STK32A: variants seen among roughly 807,000 people sequenced by gnomAD.
STK32A encodes the protein serine/threonine-protein kinase 32A.
A neutral mutation model predicts 53.2 loss-of-function variants in STK32A; 41 were observed. The ratio of observed to expected loss-of-function variants is 0.77; its 90% CI spans 0.60 to 1.00. The LOEUF (loss-of-function observed/expected upper bound fraction) is 1.00. STK32A is among the 50% of genes least tolerant of loss of function. The probability of loss-of-function intolerance (pLI) is 0.00; values close to 1 mark genes in which losing one functional copy is unlikely to be tolerated. For missense variants in STK32A, 458 were observed against 485.8 expected (o/e 0.94, Z 0.54); for synonymous variants, 166 against 162.8 (o/e 1.02, Z -0.15).
chr5:147,303,218 T>A, intron 4 of STK32A, among the ~76,000 whole-genome samples: 1 of 152,192 alleles, frequency 6.6e-6, no homozygotes, highest in East Asian at 1.9e-4. Flanking sequence ...TGTAACAAAC[T>A]GCCCCAAAAC....
chr5:147,277,367 A>C (rs898308505), intron 2 of STK32A, among the ~76,000 whole-genome samples: 2 of 152,168 alleles, frequency 1.3e-5, no homozygotes, highest in Non-Finnish European at 2.9e-5. Flanking sequence ...CATTGACTCA[A>C]AAAACCATGC....
intron 4 of STK32A, among the ~76,000 whole-genome samples, chr5:147,291,745 A>T (rs1427239967): frequency 1.3e-5 from 2 of 152,192 alleles, no homozygotes; most frequent in African/African-American, 2.4e-5. Context: ...GGCTGAATTT[A>T]AAAACAGGTG....
chr5:147,384,305 CG>C lies in STK32A; in HGVS notation c.*323del. 3 of 1,395,728 alleles carry C rather than the reference CG, an allele frequency of 2.1e-6. No homozygotes were observed. The highest frequency in any genetic ancestry group is 2.8e-6 in the Non-Finnish European group (3 of 1,053,076). The allele number at this position is 1,395,728 out of a possible 1,614,324, so 86.5% of individuals were successfully genotyped here. Reference sequence around the variant, plus strand: ...TAGTGCTATAGTTGTTATTCTAAACCGCCTTTATTTTTATTTTAAAATTAAT... The same window carrying C: ...TAGTGCTATAGTTGTTATTCTAAACCCCTTTATTTTTATTTTAAAATTAAT... On this transcript the variant is annotated 3_prime_UTR_variant, in exon 13 of 13. Coordinates refer to ENST00000397936, the MANE Select transcript of STK32A (RefSeq NM_001112724.2).
chr5:147,258,802 C>G (rs1754353974), intron 2 of STK32A, among the ~76,000 whole-genome samples: 2 of 152,006 alleles, frequency 1.3e-5, no homozygotes, highest in South Asian at 4.1e-4. Flanking sequence ...ACACTGTTAA[C>G]TTTTAGCTAA....
At chr5:147,290,850 C>T (rs1752567210) in intron 4 of STK32A, among the ~76,000 whole-genome samples, 2 of 152,240 alleles carry the variant, frequency 1.3e-5, no homozygotes, top group South Asian at 2.1e-4. Flanking sequence ...CACAGATTCA[C>T]TTTGCCCAGA....
At chr5:147,258,749 ACTGT>A (rs1194812573) in intron 2 of STK32A, among the ~76,000 whole-genome samples, 2 of 151,872 alleles carry the variant, frequency 1.3e-5, no homozygotes, top group South Asian at 2.1e-4. Flanking sequence ...TGTGGACAAG[ACTGT>A]CTAAGGCCAC....
chr5:147,398,775 G>A, the STK32A span, among the ~76,000 whole-genome samples: 1 of 152,174 alleles, frequency 6.6e-6, no homozygotes, highest in African/African-American at 2.4e-5. Context: ...TCTAGGGGAA[G>A]CTTTCAGAGC....
At chr5:147,340,990 T>C (rs562563452) in intron 5 of STK32A, among the ~76,000 whole-genome samples, 5 of 152,338 alleles carry the variant, frequency 3.3e-5, no homozygotes, top group African/African-American at 1.2e-4. Context: ...AAGTAGTTTC[T>C]GGGAAAAGTA....
intron 2 of STK32A, among the ~76,000 whole-genome samples, chr5:147,242,669 G>A (rs4705136): frequency 0.41 from 62,104 of 152,024 alleles, 12,845 homozygotes; most frequent in Admixed American, 0.45. Context: ...ACAAAATCAG[G>A]ATTGAACAGT....
chr5:147,397,728 G>T, the STK32A span: 16 of 1,614,000 alleles, frequency 9.9e-6, no homozygotes, highest in South Asian at 1.8e-4. Context: ...GGTATGAAGC[G>T]GCCAGCCCCC....
intron 2 of STK32A, among the ~76,000 whole-genome samples, chr5:147,260,516 A>G (rs541037539): frequency 1.3e-5 from 2 of 151,798 alleles, no homozygotes; most frequent in Non-Finnish European, 2.9e-5. Flanking sequence ...GGAAGTTTCA[A>G]CCCCTCAAAC....
rs576419730 is a variant in STK32A at position 147,322,479 on chromosome 5, T to C, written c.261-1419T>C. On this transcript the variant is annotated intron_variant, in intron 4 of 12. Transcript: ENST00000397936. The stretch of plus-strand genomic sequence containing the variant: ...TTCTCCTTCAGCACAATGATAATTA[T>C]AAAGAAGAAAATGTACTAAGTGCAT... 5.3e-5 allele frequency among the ~76,000 whole-genome samples: 8 copies of C among 152,344 alleles called. No homozygotes were observed. The South Asian group carries it at 1.7e-3, about 32-fold the overall frequency.
chr5:147,312,981 C>T (rs1320610076), intron 4 of STK32A, among the ~76,000 whole-genome samples: 1 of 151,402 alleles, frequency 6.6e-6, no homozygotes, highest in Admixed American at 6.6e-5. Context: ...TGGCTCACAC[C>T]TGTAACCACA....
chr5:147,279,205 T>C (rs1158221109), intron 3 of STK32A, 42 bp from the exon 4 acceptor site: 2 of 1,566,812 alleles, frequency 1.3e-6, no homozygotes, highest in Non-Finnish European at 1.7e-6. Flanking sequence ...CCATGATCCA[T>C]TATCTCCCTA....
intron 7 of STK32A, among the ~76,000 whole-genome samples, chr5:147,358,778 C>T (rs1756369933): frequency 1.3e-5 from 2 of 151,770 alleles, no homozygotes; most frequent in Non-Finnish European, 2.9e-5. Context: ...TTATAAAGCA[C>T]TGAAATAAAT....
At chr5:147,308,681 C>T (rs1581070878) in intron 4 of STK32A, among the ~76,000 whole-genome samples, 1 of 150,196 alleles carries the variant, frequency 6.7e-6, no homozygotes, top group Non-Finnish European at 1.5e-5. Flanking sequence ...TGTAGATATC[C>T]TTTATCACAA....
chr5:147,270,182 A>G (rs1290410720), intron 2 of STK32A, among the ~76,000 whole-genome samples: 1 of 152,170 alleles, frequency 6.6e-6, no homozygotes, highest in Non-Finnish European at 1.5e-5. Flanking sequence ...AGATTGATAC[A>G]TTTAACTACA....
At chr5:147,259,653 G>A (rs2151945844) in intron 2 of STK32A, among the ~76,000 whole-genome samples, 1 of 152,130 alleles carries the variant, frequency 6.6e-6, no homozygotes, top group East Asian at 1.9e-4. Context: ...ATTAACTAAG[G>A]AATAGGGTAC....
At chr5:147,347,662 C>T (rs529498600) in intron 6 of STK32A, among the ~76,000 whole-genome samples, 1 of 152,284 alleles carries the variant, frequency 6.6e-6, no homozygotes, top group East Asian at 1.9e-4. Flanking sequence ...TCACTCAAGG[C>T]CTGGGCTAAT....
Sources: gnomAD v4.1 joint callset for allele counts (sites outside exome capture counted in the v4.1 genomes callset) on GRCh38, gnomAD v4.1.1 for gene constraint, MANE v1.5 for transcripts, NCBI Gene and HGNC (gene_info 2026-07-23, HGNC 2026-07-21) for gene names.